FAM13C: variants seen among roughly 807,000 people sequenced by gnomAD.
FAM13C encodes protein FAM13C.
A neutral mutation model predicts 73.2 loss-of-function variants in FAM13C; 37 were observed. The observed-to-expected ratio is 0.51, with a 90% CI of 0.39 to 0.67. The LOEUF (loss-of-function observed/expected upper bound fraction) is 0.67, where lower values mean the gene tolerates loss of function less well. Ranked by LOEUF, FAM13C falls within the 30% of genes least tolerant of loss-of-function variation. The pLI is 0.00. For synonymous variants in FAM13C, 246 were observed against 260.9 expected (o/e 0.94, Z 0.55); for missense variants, 589 against 715.6 (o/e 0.82, Z 2.02).
chr10:59,255,924 C>A (rs1463701471), intron 10 of FAM13C, among the ~76,000 whole-genome samples: 1 of 151,896 alleles, frequency 6.6e-6, no homozygotes, highest in Non-Finnish European at 1.5e-5. Flanking sequence ...TCACAGTACC[C>A]AATACATCCC....
At chr10:59,283,638 G>C (rs2133694838) in intron 5 of FAM13C, 191 bp from the exon 6 acceptor site, 4 of 646,120 alleles carry the variant, frequency 6.2e-6, no homozygotes, top group East Asian at 2.7e-5. Flanking sequence ...AGCTGCTTCA[G>C]GGAAAGAACT....
chr10:59,302,650 A>G, intron 5 of FAM13C, 151 bp downstream of exon 5: 1 of 678,190 alleles, frequency 1.5e-6, no homozygotes. Context: ...AAACATTACC[A>G]ATTGAACAAA....
intron 4 of FAM13C, among the ~76,000 whole-genome samples, chr10:59,303,467 T>C (rs1261168037): frequency 6.6e-6 from 1 of 152,242 alleles, no homozygotes; most frequent in East Asian, 1.9e-4. Context: ...AATTCAATAA[T>C]TGTTTTGATT....
At chr10:59,306,821 C>T (rs1267434776) in intron 4 of FAM13C, among the ~76,000 whole-genome samples, 1 of 152,170 alleles carries the variant, frequency 6.6e-6, no homozygotes, top group Admixed American at 6.5e-5. Context: ...TTGCAGTGAG[C>T]TGAGATCGTG....
At chr10:59,301,428 T>C (rs1847588726) in intron 5 of FAM13C, among the ~76,000 whole-genome samples, 1 of 152,236 alleles carries the variant, frequency 6.6e-6, no homozygotes, top group African/African-American at 2.4e-5. Flanking sequence ...ACACTTCATG[T>C]CATTTGCAAA....
chr10:59,356,718 G>T (rs1855751864), intron 1 of FAM13C, among the ~76,000 whole-genome samples: 1 of 152,116 alleles, frequency 6.6e-6, no homozygotes, highest in South Asian at 2.1e-4. Flanking sequence ...GGTTAATATT[G>T]AGTATTAATT....
At chr10:59,267,999 A>C (rs747977685) in intron 8 of FAM13C, among the ~76,000 whole-genome samples, 3 of 152,156 alleles carry the variant, frequency 2.0e-5, no homozygotes, top group Non-Finnish European at 4.4e-5. Context: ...CTAGCATGAA[A>C]ACTAGTGTCT....
At chr10:59,320,627 C>T (rs1360683141) in intron 4 of FAM13C, among the ~76,000 whole-genome samples, 1 of 152,212 alleles carries the variant, frequency 6.6e-6, no homozygotes, top group East Asian at 1.9e-4. Context: ...GACTCCAGCA[C>T]AGCCACATGG....
chr10:59,333,674 C>T (rs780421954), intron 3 of FAM13C, among the ~76,000 whole-genome samples: 3 of 152,034 alleles, frequency 2.0e-5, no homozygotes, highest in Non-Finnish European at 4.4e-5. Flanking sequence ...TCTTTGCTTT[C>T]AAATATCCCT....
intron 5 of FAM13C, among the ~76,000 whole-genome samples, chr10:59,286,180 C>T: frequency 6.6e-6 from 1 of 152,126 alleles, no homozygotes; most frequent in Non-Finnish European, 1.5e-5. Context: ...AAAAGGATAA[C>T]TACTGTATAC....
intron 13 of FAM13C, among the ~76,000 whole-genome samples, chr10:59,249,133 A>C (rs765954236): frequency 6.6e-6 from 1 of 152,202 alleles, no homozygotes; most frequent in Non-Finnish European, 1.5e-5. Flanking sequence ...GGCCGGGCAC[A>C]GTGGCTCACG....
intron 13 of FAM13C, among the ~76,000 whole-genome samples, chr10:59,250,507 T>C (rs1005809732): frequency 4.6e-5 from 7 of 152,154 alleles, no homozygotes; most frequent in African/African-American, 7.2e-5. Context: ...ACTCAATAGG[T>C]CCAGTCCTAA....
At position 59,302,795 on chromosome 10, in the gene FAM13C, A is replaced by G; in HGVS notation, c.507+6T>C. 6.2e-7 allele frequency: 1 copy of G among 1,613,550 alleles called. No homozygotes were observed. Among genetic ancestry groups the G allele is most frequent in the Non-Finnish European group, 8.5e-7 (1 of 1,179,444 alleles). ...TGTTCTTATAACCAGTAATGATTGC[A>G]CGTACCTCATTTAAGTCCTGCCGAG... is the stretch of plus-strand genomic sequence containing the variant. On this transcript the variant is annotated splice_donor_region_variant and intron_variant, in intron 5 of 13. Coordinates refer to ENST00000618804, the MANE Select transcript of FAM13C (RefSeq NM_198215.4).
At chr10:59,285,941 T>C (rs1004885123) in intron 5 of FAM13C, among the ~76,000 whole-genome samples, 4 of 147,770 alleles carry the variant, frequency 2.7e-5, no homozygotes, top group African/African-American at 1.1e-4. Flanking sequence ...AATACATTTC[T>C]GTTGTTTAAG....
chr10:59,352,527 C>A, intron 2 of FAM13C, 53 bp from the exon 3 acceptor site: 1 of 1,496,032 alleles, frequency 6.7e-7, no homozygotes, highest in South Asian at 1.3e-5. Flanking sequence ...GATGAATAAA[C>A]TGCTGCAGGA....
Position 59,247,002 on chromosome 10 carries a change from C to T in FAM13C, c.*612G>A. The T allele has an allele frequency of 5.4e-6, 1 of 183,512 alleles. No homozygotes were observed. Among genetic ancestry groups the T allele is most frequent in the Non-Finnish European group, 1.1e-5 (1 of 90,020 alleles). 11.4% of individuals were successfully genotyped at this position (183,512 alleles called of 1,614,324 possible). A position where few individuals can be genotyped will look rare whatever the true frequency, so the allele number is the denominator to read the frequency against. On this transcript the variant is annotated 3_prime_UTR_variant, in exon 14 of 14. Coordinates refer to ENST00000618804, the MANE Select transcript of FAM13C (RefSeq NM_198215.4). ...TTTGGTAACCAGAAATGTAAAATTT[C>T]AAATAACGGATAAAATAATGTGTTA...
At chr10:59,268,050 G>C (rs897439278) in intron 8 of FAM13C, among the ~76,000 whole-genome samples, 1 of 152,138 alleles carries the variant, frequency 6.6e-6, no homozygotes, top group Non-Finnish European at 1.5e-5. Context: ...GTTCTTATGA[G>C]TGGCCTGAAC....
intron 4 of FAM13C, among the ~76,000 whole-genome samples, chr10:59,313,132 G>A (rs1394019019): frequency 6.6e-6 from 1 of 152,160 alleles, no homozygotes; most frequent in African/African-American, 2.4e-5. Flanking sequence ...TGTTGTATTA[G>A]CGTGGGATCA....
rs1227902243 is a variant in FAM13C at position 59,360,920 on chromosome 10, C to A, written c.62+1479G>T. 9 of 641,422 alleles carry A rather than the reference C, an allele frequency of 1.4e-5. No homozygotes were observed. The African/African-American group carries it at 1.7e-4, about 12-fold the overall frequency. The allele number at this position is 641,422 out of a possible 1,614,324, so 39.7% of individuals were successfully genotyped here. A position where few individuals can be genotyped will look rare whatever the true frequency, so the allele number is the denominator to read the frequency against. ...GGAGCTAAGTGTCTCCATTTTGAACCTGCCGTGCCTGTGACTGACCGAGGA... is the reference window on the plus strand; with the variant it reads ...GGAGCTAAGTGTCTCCATTTTGAACATGCCGTGCCTGTGACTGACCGAGGA... On this transcript the variant is annotated intron_variant, in intron 1 of 13. Transcript: ENST00000618804.
Sources: gnomAD v4.1 joint callset for allele counts (sites outside exome capture counted in the v4.1 genomes callset) on GRCh38, gnomAD v4.1.1 for gene constraint, MANE v1.5 for transcripts, NCBI Gene and HGNC (gene_info 2026-07-23, HGNC 2026-07-21) for gene names.